The following EZR variants were observed in gnomAD, a reference collection of about 807,000 sequenced individuals.
The protein encoded by EZR is cytovillin 2.
A neutral mutation model predicts 74.8 loss-of-function variants in EZR; 40 were observed. That is an observed-to-expected ratio of 0.53 (90% CI 0.42 to 0.70). EZR has a LOEUF of 0.70. Ranked by LOEUF, EZR falls within the 30% of genes least tolerant of loss-of-function variation. EZR has a pLI of 0.00. For synonymous variants in EZR, 341 were observed against 283.3 expected (o/e 1.20, Z -2.05); for missense variants, 678 against 755.8 (o/e 0.90, Z 1.21).
chr6:158,799,341 T>C lies in EZR; in HGVS notation c.13-9970A>G, dbSNP rs182057300. 2.2e-4 allele frequency among the ~76,000 whole-genome samples: 33 copies of C among 152,322 alleles called. No homozygotes were observed. In the South Asian group the frequency reaches 3.3e-3, roughly 15 times the overall value. On this transcript the variant is annotated intron_variant, in intron 2 of 13. Transcript: ENST00000367075. The stretch of plus-strand genomic sequence containing the variant: ...CACAGCTGATGCCAAGGTCACGCTA[T>C]GACCAACAGTGCCCGGGCGGCAGGG...
chr6:158,769,516 C>T (rs369177464), intron 11 of EZR, 98 bp from the exon 12 acceptor site: 20 of 1,264,072 alleles, frequency 1.6e-5, no homozygotes, highest in African/African-American at 2.9e-5. Flanking sequence ...CAGTCTCCAA[C>T]GTGACACCTG....
At chr6:158,772,058 G>A (rs920839195) in intron 8 of EZR, among the ~76,000 whole-genome samples, 1 of 152,120 alleles carries the variant, frequency 6.6e-6, no homozygotes, top group Admixed American at 6.5e-5. Flanking sequence ...CCCAGCCTCC[G>A]CTGTGCACTC....
chr6:158,769,216 G>T, intron 12 of EZR, 110 bp downstream of exon 12: 1 of 805,672 alleles, frequency 1.2e-6, no homozygotes, highest in Non-Finnish European at 2.0e-6. Flanking sequence ...GGATGTGGCA[G>T]CTTGAGCCAG....
intron 2 of EZR, among the ~76,000 whole-genome samples, chr6:158,801,250 G>A (rs1345931816): frequency 5.9e-5 from 9 of 152,204 alleles, no homozygotes; most frequent in Non-Finnish European, 1.3e-4. Flanking sequence ...GAGTATCTGG[G>A]ATTACAGGCG....
At chr6:158,786,304 G>A (rs1352352617) in intron 4 of EZR, among the ~76,000 whole-genome samples, 1 of 150,848 alleles carries the variant, frequency 6.6e-6, no homozygotes, top group Non-Finnish European at 1.5e-5. Flanking sequence ...AACCCAGGAG[G>A]TGGAGGTTGC....
Position 158,769,934 on chromosome 6 carries a change from C to T in EZR, c.1101G>A (p.Glu367=), listed in dbSNP as rs1791046605. The change falls in exon 11 of 14, where the codon GAG becomes GAA. Residue 367 remains glutamate (E), a synonymous_variant. Coordinates refer to ENST00000367075, the MANE Select transcript of EZR (RefSeq NM_001111077.2). ...KTKKAERELS[E]QIQRALQLEE... is the part of the protein sequence containing the mutation. Reference sequence around the variant, plus strand: ...CCAGCTGCAGGGCCCTCTGAATCTGCTCCGAGAGCTCTGCAAAGACACAAA... The same window carrying T: ...CCAGCTGCAGGGCCCTCTGAATCTGTTCCGAGAGCTCTGCAAAGACACAAA... 1 of 1,610,628 alleles carries T rather than the reference C, an allele frequency of 6.2e-7. No individual in the cohort carries two copies.
chr6:158,795,589 A>G (rs977698344), intron 2 of EZR, among the ~76,000 whole-genome samples: 2 of 152,184 alleles, frequency 1.3e-5, no homozygotes, highest in Admixed American at 1.3e-4. Context: ...ACAAATACCA[A>G]TTAACTACTG....
chr6:158,803,603 AT>A lies in EZR; in HGVS notation c.13-14233del, dbSNP rs1777257414. Among the ~76,000 whole-genome samples, 8 of 15,014 alleles carry A rather than the reference AT, an allele frequency of 5.3e-4. 1 individual carries two copies. The highest frequency in any genetic ancestry group is 1.5e-3 in the African/African-American group (5 of 3,404). The allele number at this position is 15,014 out of a possible 152,430, so 9.8% of individuals were successfully genotyped here. A position where few individuals can be genotyped will look rare whatever the true frequency, so the allele number is the denominator to read the frequency against. On this transcript the variant is annotated intron_variant, in intron 2 of 13. Coordinates refer to ENST00000367075, the MANE Select transcript of EZR (RefSeq NM_001111077.2). ...TATACATATATATATATATATATAT[AT>A]ACATATATATATATATATATACATA...
chr6:158,817,824 G>GA (rs1157404712), intron 2 of EZR, among the ~76,000 whole-genome samples: 3 of 152,112 alleles, frequency 2.0e-5, no homozygotes, highest in Non-Finnish European at 2.9e-5. Context: ...CTAGTTTTTA[G>GA]AAAAGACCGT....
chr6:158,818,744 C>T (rs1777623592), intron 1 of EZR, among the ~76,000 whole-genome samples: 1 of 144,700 alleles, frequency 6.9e-6, no homozygotes, highest in Admixed American at 6.9e-5. Flanking sequence ...AGAGAGAGGG[C>T]GAGGGGCAGG....
intron 2 of EZR, among the ~76,000 whole-genome samples, chr6:158,809,168 C>G (rs1777401773): frequency 6.6e-6 from 1 of 152,146 alleles, no homozygotes; most frequent in African/African-American, 2.4e-5. Context: ...TAAACAAGCA[C>G]CTGACAGCGT....
Position 158,766,831 on chromosome 6 carries a change from C to G in EZR, c.*83G>C, listed in dbSNP as rs1312861215. 4.1e-5 allele frequency: 54 copies of G among 1,326,846 alleles called. No homozygotes were observed. Among genetic ancestry groups the G allele is most frequent in the Admixed American group, 6.1e-5 (3 of 49,352 alleles). 82.2% of individuals were successfully genotyped at this position (1,326,846 alleles called of 1,614,324 possible). ...ACTGGGATCTGAGGGAGTTCCTAGA[C>G]TTGGAGCACTAAAGACACAAGCGTG... On this transcript the variant is annotated 3_prime_UTR_variant, in exon 14 of 14. Transcript: ENST00000367075.
At position 158,766,681 on chromosome 6, in the gene EZR, G is replaced by T; in HGVS notation, c.*233C>A. ...TCCTGCTCCCAGCACAACACAGGAG[G>T]TGATTCGAGAATAATCGCGAGAATC... On this transcript the variant is annotated 3_prime_UTR_variant, in exon 14 of 14. Transcript: ENST00000367075. The T allele has an allele frequency of 1.8e-6, 1 of 567,202 alleles. No individual in the cohort carries two copies. The highest frequency in any genetic ancestry group is 3.1e-6 in the Non-Finnish European group (1 of 317,780). 35.1% of individuals were successfully genotyped at this position (567,202 alleles called of 1,614,324 possible).
rs778349337 is a variant in EZR, at chr6:158,776,425, T to C, written c.778A>G (p.Ile260Val). The part of the protein sequence containing the change: ...FNDKKFVIKP[I>V]DKKAPDFVFY... Reference sequence around the variant, plus strand: ...GAACTTACAGGTGCCTTCTTGTCGATGGGTTTAATGACAAACTTTTTGTCA... The same window carrying C: ...GAACTTACAGGTGCCTTCTTGTCGACGGGTTTAATGACAAACTTTTTGTCA... The change falls in exon 8 of 14, where the codon ATC (isoleucine) becomes GTC (valine). Residue 260 changes from isoleucine (I) to valine (V), a missense_variant. Physicochemically the swap from Ile to Val is conservative, Grantham distance 29. Around this residue, in one of 3 missense-constraint regions of EZR, gnomAD observed 119 missense variants for 182.3 expected, o/e 0.65. Transcript: ENST00000367075. 3.1e-6 allele frequency: 5 copies of C among 1,613,882 alleles called. No individual in the cohort carries two copies. In the East Asian group the frequency reaches 1.1e-4, roughly 36 times the overall value.
At chr6:158,806,451 C>A (rs190550335) in intron 2 of EZR, among the ~76,000 whole-genome samples, 2 of 151,656 alleles carry the variant, frequency 1.3e-5, no homozygotes, top group East Asian at 3.9e-4. Context: ...AGCTTCAACA[C>A]CATTCTTTCT....
Position 158,783,632 on chromosome 6 carries a change from G to C in EZR, c.586C>G (p.Gln196Glu). The C allele has an allele frequency of 6.2e-7, 1 of 1,613,918 alleles. No homozygotes were observed. The highest frequency in any genetic ancestry group is 8.5e-7 in the Non-Finnish European group (1 of 1,179,950). ...NAMLEYLKIA[Q>E]DLEMYGINYF... ...TTGATTCCATACATTTCCAGGTCCTGAGCAATCTTCAGGTATTCCAACATA... is the reference window on the plus strand; with the variant it reads ...TTGATTCCATACATTTCCAGGTCCTCAGCAATCTTCAGGTATTCCAACATA... Residue 196 changes from glutamine to glutamate, a missense_variant, in exon 7 of 14, where the codon CAG becomes GAG. Physicochemically the swap from Gln to Glu is conservative, Grantham distance 29. This residue lies in a region of EZR where 119 missense variants were observed against 182.3 expected (regional missense o/e 0.65). Coordinates refer to ENST00000367075, the MANE Select transcript of EZR (RefSeq NM_001111077.2).
chr6:158,813,386 C>T (rs1251737704), intron 2 of EZR, among the ~76,000 whole-genome samples: 2 of 152,222 alleles, frequency 1.3e-5, no homozygotes, highest in African/African-American at 2.4e-5. Flanking sequence ...TGTCTGTCCC[C>T]GAAACCAGAC....
At chr6:158,794,608 C>A (rs113920641) in intron 2 of EZR, among the ~76,000 whole-genome samples, 6 of 152,084 alleles carry the variant, frequency 3.9e-5, no homozygotes, top group East Asian at 1.9e-4. Flanking sequence ...AGAAAAAGAG[C>A]GCGTGGTCTG....
At chr6:158,808,774 T>C (rs1472011932) in intron 2 of EZR, among the ~76,000 whole-genome samples, 1 of 152,178 alleles carries the variant, frequency 6.6e-6, no homozygotes, top group Non-Finnish European at 1.5e-5. Flanking sequence ...TCCCTCTATT[T>C]ATCCTGCCAA....
Sources: allele counts gnomAD v4.1 joint callset (sites outside exome capture counted in the v4.1 genomes callset), GRCh38; gene constraint gnomAD v4.1.1; regional missense constraint gnomAD v4.1.1; transcripts MANE v1.5; gene names NCBI Gene and HGNC (gene_info 2026-07-23, HGNC 2026-07-21).